The following PLPPR3 variants were observed in gnomAD, a reference collection of about 807,000 sequenced individuals.
PLPPR3 encodes the protein phospholipid phosphatase related 3.
PLPPR3 carries 14 observed loss-of-function variants against 27.3 expected under a neutral mutation model. The ratio of observed to expected loss-of-function variants is 0.51; its 90% confidence interval spans 0.34 to 0.80. The LOEUF (loss-of-function observed/expected upper bound fraction) is 0.80, where lower values mean the gene tolerates loss of function less well. Ranked by LOEUF, PLPPR3 falls within the 30% of genes least tolerant of loss-of-function variation. The pLI is 0.01. For missense variants in PLPPR3, 1,287 were observed against 1,056.9 expected, an observed-to-expected ratio of 1.22 and a Z score of -3.02; for synonymous variants, 671 against 508.0, an observed-to-expected ratio of 1.32 and a Z score of -4.32.
intron 7 of PLPPR3, among the ~76,000 whole-genome samples, 193 bp downstream of exon 7, chr19:814,241 G>GCCCC (rs1305912745): frequency 2.3e-5 from 1 of 43,786 alleles, no homozygotes; most frequent in Non-Finnish European, 4.4e-5. Flanking sequence ...CTCTGGGCCA[G>GCCCC]CCCCCCGCCA....
intron 2 of PLPPR3, among the ~76,000 whole-genome samples, chr19:816,545 CCCAT>C (rs1241638850): frequency 2.0e-5 from 3 of 146,760 alleles, no homozygotes; most frequent in African/African-American, 7.6e-5. Context: ...CCCAGTGGTA[CCCAT>C]CCATCCATCC....
At position 812,801 on chromosome 19, in the gene PLPPR3, C is replaced by T. The variant is rs3746137; in HGVS notation, c.1926G>A (p.Ser642=). 2 of 1,092,594 alleles carry T rather than the reference C, an allele frequency of 1.8e-6. No individual in the cohort carries two copies. The highest frequency in any genetic ancestry group is 1.7e-5 in the African/African-American group (1 of 58,620). The allele number at this position is 1,092,594 out of a possible 1,614,324, so 67.7% of individuals were successfully genotyped here. Residue 642 remains serine (S), a synonymous_variant, in exon 8 of 8, where the codon TCG becomes TCA. Transcript: ENST00000520876. Reference sequence around the variant, plus strand: ...GCTCCTCCTGGTCCACGTCGCTGACCGACGAGCCGGGGGACACGCCCGGGG... The same window carrying T: ...GCTCCTCCTGGTCCACGTCGCTGACTGACGAGCCGGGGGACACGCCCGGGG... ...AKPPGVSPGS[S]VSDVDQEEPR...
Position 813,392 on chromosome 19 carries a change from C to G in PLPPR3, c.1335G>C (p.Glu445Asp). 6.7e-7 allele frequency: 1 copy of G among 1,501,886 alleles called. No individual in the cohort carries two copies. The highest frequency in any genetic ancestry group is 1.3e-5 in the South Asian group (1 of 79,196). The allele number at this position is 1,501,886 out of a possible 1,614,324, so 93.0% of individuals were successfully genotyped here. A position where few individuals can be genotyped will look rare whatever the true frequency, so the allele number is the denominator to read the frequency against. The stretch of plus-strand genomic sequence containing the variant: ...CCTCCTCTTCCTCTTCGTCCTCCTC[C>G]TCTTCCTCCTCCTCCGCCATGGGTT... ...PAEPMAEEEE[E>D]EEDEEEEEEE... Residue 445 changes from glutamate to aspartate, a missense_variant, in exon 8 of 8, where the codon GAG becomes GAC. Transcript: ENST00000520876. The surrounding 1 kb of genome is among the most constrained non-coding windows in gnomAD (Gnocchi z 4.1).
chr19:816,919 C>CACAT (rs2035071619), intron 2 of PLPPR3, among the ~76,000 whole-genome samples: 1 of 146,912 alleles, frequency 6.8e-6, no homozygotes, highest in Non-Finnish European at 1.5e-5. Context: ...CATCCATCCA[C>CACAT]CCATCCACCC....
intron 2 of PLPPR3, among the ~76,000 whole-genome samples, chr19:816,879 GCCAT>G (rs1423260710): frequency 7.0e-6 from 1 of 142,676 alleles, no homozygotes; most frequent in East Asian, 2.2e-4. Context: ...CACCCATGCA[GCCAT>G]CCATCTATCC....
At position 821,554 on chromosome 19, in the gene PLPPR3, G is replaced by A. The variant is rs1277192770; in HGVS notation, c.6C>T (p.Ile2=). The change falls in exon 2 of 8, where the codon ATC becomes ATT. Residue 2 remains isoleucine (I), a synonymous_variant. Transcript: ENST00000520876. ...GGATCTTGTTCTTCTCCTTGGTGGA[G>A]ATCATGGTGCCGCGGGCGCCGCAGG... The part of the protein sequence containing the change: M[I]STKEKNKIPK... 10 of 1,487,574 alleles carry A rather than the reference G, an allele frequency of 6.7e-6. No homozygotes were observed. The highest frequency in any genetic ancestry group is 1.5e-5 in the African/African-American group (1 of 68,366). 92.1% of individuals were successfully genotyped at this position (1,487,574 alleles called of 1,614,324 possible). A position where few individuals can be genotyped will look rare whatever the true frequency, so the allele number is the denominator to read the frequency against.
chr19:814,152 C>A (rs113008226), intron 7 of PLPPR3, among the ~76,000 whole-genome samples: 7,207 of 151,076 alleles, frequency 0.048, 196 homozygotes, highest in Middle Eastern at 0.082. Context: ...TCGGGACCCA[C>A]GTCTATCCCC....
chr19:815,354 C>A, intron 3 of PLPPR3, 27 bp from the exon 4 acceptor site: 6 of 1,518,238 alleles, frequency 4.0e-6, no homozygotes, highest in Non-Finnish European at 5.3e-6. Flanking sequence ...GGCGCTCAGG[C>A]CTCGGTGCCC....
rs2034958524 is a variant in PLPPR3, at chr19:812,879, G to A, written c.1848C>T (p.Asp616=). ...AAGGGAKAEA[D]GGYELGDLAR... Reference sequence around the variant, plus strand: ...CCAGGTCCCCCAGCTCGTAGCCGCCGTCGGCCTCCGCCTTGGCCCCGCCGC... The same window carrying A: ...CCAGGTCCCCCAGCTCGTAGCCGCCATCGGCCTCCGCCTTGGCCCCGCCGC... The change falls in exon 8 of 8, where the codon GAC becomes GAT. Residue 616 remains aspartate (D), a synonymous_variant. Coordinates refer to ENST00000520876, the MANE Select transcript of PLPPR3 (RefSeq NM_001270366.2). 5 of 1,210,822 alleles carry A rather than the reference G, an allele frequency of 4.1e-6. 1 individual carries two copies. Among genetic ancestry groups the A allele is most frequent in the Non-Finnish European group, 4.1e-6 (4 of 969,008 alleles). The allele number at this position is 1,210,822 out of a possible 1,614,324, so 75.0% of individuals were successfully genotyped here. A position where few individuals can be genotyped will look rare whatever the true frequency, so the allele number is the denominator to read the frequency against.
chr19:816,292 G>A (rs1462645253), intron 2 of PLPPR3, among the ~76,000 whole-genome samples: 1 of 90,024 alleles, frequency 1.1e-5, no homozygotes. Flanking sequence ...CACCCATGCA[G>A]CCATCCATCT....
chr19:822,152 G>A (rs1278307041), upstream of PLPPR3, among the ~76,000 whole-genome samples: 1 of 151,734 alleles, frequency 6.6e-6, no homozygotes, highest in African/African-American at 2.4e-5. Flanking sequence ...CGGGGGTCTC[G>A]GGGGTCTCAG....
chr19:816,331 A>C (rs2035053290), intron 2 of PLPPR3, among the ~76,000 whole-genome samples: 1 of 40,828 alleles, frequency 2.4e-5, no homozygotes, highest in Admixed American at 2.8e-4. Context: ...CCATCCATCC[A>C]CCCACCCACC....
Position 812,777 on chromosome 19 carries a change from C to T in PLPPR3, c.1950G>A (p.Glu650=). 1.8e-6 allele frequency: 2 copies of T among 1,085,378 alleles called. No homozygotes were observed. Among genetic ancestry groups the T allele is most frequent in the Non-Finnish European group, 2.2e-6 (2 of 893,414 alleles). 67.2% of individuals were successfully genotyped at this position (1,085,378 alleles called of 1,614,324 possible). A position where few individuals can be genotyped will look rare whatever the true frequency, so the allele number is the denominator to read the frequency against. ...CGGTGGCCACGGCCCCGAACCGCGGCTCCTCCTGGTCCACGTCGCTGACCG... is the reference window on the plus strand; with the variant it reads ...CGGTGGCCACGGCCCCGAACCGCGGTTCCTCCTGGTCCACGTCGCTGACCG... ...GSSVSDVDQE[E]PRFGAVATVN... Residue 650 remains glutamate, a synonymous_variant, in exon 8 of 8, where the codon GAG becomes GAA. Transcript: ENST00000520876.
chr19:821,639 G>C, intron 1 of PLPPR3, 54 bp from the exon 2 acceptor site: 1 of 1,070,972 alleles, frequency 9.3e-7, no homozygotes, highest in African/African-American at 1.7e-5. Context: ...GCCCGGGGGA[G>C]ACACGGTGGC....
At position 813,066 on chromosome 19, in the gene PLPPR3, G is replaced by T; in HGVS notation, c.1661C>A (p.Ala554Asp). Residue 554 changes from alanine (A) to aspartate (D), a missense_variant, in exon 8 of 8, where the codon GCC (alanine) becomes GAC (aspartate). Physicochemically the swap from Ala to Asp is moderately radical, Grantham distance 126. Transcript: ENST00000520876. This position sits in a 1 kb window ranked among gnomAD's most constrained non-coding sequence, Gnocchi z 4.1. ...GGCGCTGGACGACGACGCCGTCTCG[G>T]CCGCCTTGGGGCCCGGCGCGCCCGG... ...KAPGAPGPKA[A>D]ETASSSSASS... 1.3e-6 allele frequency: 2 copies of T among 1,501,844 alleles called. No homozygotes were observed. The highest frequency in any genetic ancestry group is 1.8e-6 in the Non-Finnish European group (2 of 1,135,862). The allele number at this position is 1,501,844 out of a possible 1,614,324, so 93.0% of individuals were successfully genotyped here. A position where few individuals can be genotyped will look rare whatever the true frequency, so the allele number is the denominator to read the frequency against.
chr19:819,976 G>C (rs546873154), intron 2 of PLPPR3, among the ~76,000 whole-genome samples: 33 of 151,572 alleles, frequency 2.2e-4, no homozygotes, highest in African/African-American at 7.5e-4. Flanking sequence ...ATGTAACTGA[G>C]ACCTCAGCTG....
At position 813,318 on chromosome 19, in the gene PLPPR3, G is replaced by T; in HGVS notation, c.1409C>A (p.Pro470His). 1 of 1,468,826 alleles carries T rather than the reference G, an allele frequency of 6.8e-7. No individual in the cohort carries two copies. The highest frequency in any genetic ancestry group is 1.4e-5 in the South Asian group (1 of 73,992). The allele number at this position is 1,468,826 out of a possible 1,614,324, so 91.0% of individuals were successfully genotyped here. The part of the protein sequence containing the change: ...DEGPAPPSLY[P>H]TVQARPGLGP... ...CAGCCCCGGCCGCGCCTGCACGGTG[G>T]GGTAGAGCGAGGGCGGGGCCGGGCC... is the stretch of plus-strand genomic sequence containing the variant. Residue 470 changes from proline (P) to histidine (H), a missense_variant, in exon 8 of 8, where the codon CCC becomes CAC. Transcript: ENST00000520876. The surrounding 1 kb of genome is among the most constrained non-coding windows in gnomAD (Gnocchi z 4.1).
At position 813,239 on chromosome 19, in the gene PLPPR3, G is replaced by A. The variant is rs1355859413; in HGVS notation, c.1488C>T (p.Ile496=). Residue 496 remains isoleucine, a synonymous_variant, in exon 8 of 8, where the codon ATC becomes ATT. Coordinates refer to ENST00000520876, the MANE Select transcript of PLPPR3 (RefSeq NM_001270366.2). The surrounding 1 kb of genome is among the most constrained non-coding windows in gnomAD (Gnocchi z 4.1). The part of the protein sequence containing the change: ...PRAGPPPLVH[I]PEEGAQTGAG... ...CCCCCGTCTGCGCGCCCTCCTCCGG[G>A]ATGTGCACCAGCGGCGGCGGCCCCG... The A allele has an allele frequency of 6.7e-7, 1 of 1,493,100 alleles. No individual in the cohort carries two copies. Among genetic ancestry groups the A allele is most frequent in the Non-Finnish European group, 8.8e-7 (1 of 1,132,234 alleles). 92.5% of individuals were successfully genotyped at this position (1,493,100 alleles called of 1,614,324 possible).
intron 2 of PLPPR3, 66 bp from the exon 3 acceptor site, chr19:815,917 A>G (rs2035045870): frequency 6.5e-7 from 1 of 1,527,228 alleles, no homozygotes; most frequent in South Asian, 1.2e-5. Flanking sequence ...CCAGCCCTCC[A>G]TGAATTCAGG....
Sources: allele counts gnomAD v4.1 joint callset (sites outside exome capture counted in the v4.1 genomes callset), GRCh38; gene constraint gnomAD v4.1.1; non-coding constraint Gnocchi (gnomAD v3.1); transcripts MANE v1.5; gene names NCBI Gene and HGNC (gene_info 2026-07-23, HGNC 2026-07-21).